TNS1: variants seen among roughly 807,000 people sequenced by gnomAD.
TNS1 encodes tensin 1, also known as tensin-1.
Under a neutral mutation model 168.6 loss-of-function variants are expected in TNS1, and 62 were observed. The ratio of observed to expected loss-of-function variants is 0.37; its 90% confidence interval spans 0.30 to 0.45. The LOEUF (loss-of-function observed/expected upper bound fraction) is 0.45, where lower values mean the gene tolerates loss of function less well. TNS1 is among the 20% of genes least tolerant of loss of function. The pLI is 1.00. For synonymous variants in TNS1, 934 were observed against 933.2 expected (o/e 1.00, Z -0.02); for missense variants, 2,240 against 2,339.4 (o/e 0.96, Z 0.88).
In TNS1 at chr2:217,893,353, T is replaced by C. The variant is rs1358294435; in HGVS notation, c.717+86A>G. ...AGATATAGGCAGGTACACACAATCATCCAAGGACACATTCAGGCACACACA... is the reference window on the plus strand; with the variant it reads ...AGATATAGGCAGGTACACACAATCACCCAAGGACACATTCAGGCACACACA... On this transcript the variant is annotated intron_variant, in intron 10 of 32. Coordinates refer to ENST00000682258, the MANE Select transcript of TNS1 (RefSeq NM_001387777.1). The C allele has an allele frequency of 4.7e-6, 7 of 1,484,734 alleles. No homozygotes were observed. In the African/African-American group the frequency reaches 8.4e-5, roughly 18 times the overall value. 92.0% of individuals were successfully genotyped at this position (1,484,734 alleles called of 1,614,324 possible). A position where few individuals can be genotyped will look rare whatever the true frequency, so the allele number is the denominator to read the frequency against.
chr2:217,905,514 C>T (rs1411634031), intron 6 of TNS1: 3 of 286,162 alleles, frequency 1.0e-5, no homozygotes, highest in Non-Finnish European at 7.1e-6. Context: ...CCCTCCCCAC[C>T]GTGGGTCAGG....
chr2:217,885,686 GA>G, intron 15 of TNS1, 57 bp downstream of exon 15: 1 of 1,563,974 alleles, frequency 6.4e-7, no homozygotes, highest in South Asian at 1.1e-5. Flanking sequence ...AAAGGAGTAA[GA>G]AAAGAAGGGA....
At chr2:217,820,215 A>G (rs1479723437) in intron 23 of TNS1, among the ~76,000 whole-genome samples, 7 of 152,190 alleles carry the variant, frequency 4.6e-5, no homozygotes, top group Admixed American at 2.0e-4. Context: ...CTTCCTGGAA[A>G]GGGCCAACAC....
intron 4 of TNS1, among the ~76,000 whole-genome samples, chr2:217,908,027 A>T (rs1953916285): frequency 6.6e-6 from 1 of 152,172 alleles, no homozygotes; most frequent in African/African-American, 2.4e-5. Flanking sequence ...GTGTATGAAT[A>T]ATCTCATCAT....
At chr2:218,004,881 A>G (rs1958644732), upstream of TNS1, among the ~76,000 whole-genome samples, 1 of 152,246 alleles carries the variant, frequency 6.6e-6, no homozygotes, top group African/African-American at 2.4e-5. Context: ...CAACGCTGAA[A>G]TGAACCAGTG....
intron 22 of TNS1, among the ~76,000 whole-genome samples, chr2:217,822,445 C>G (rs1245107370): frequency 6.6e-6 from 1 of 152,174 alleles, no homozygotes; most frequent in African/African-American, 2.4e-5. Context: ...CAGGCCTGCA[C>G]TGGTGAGTCT....
Position 217,886,077 on chromosome 2 carries a change from T to C in TNS1, c.1007A>G (p.Gln336Arg), listed in dbSNP as rs760194256. The C allele has an allele frequency of 2.5e-6, 4 of 1,613,832 alleles. No individual in the cohort carries two copies. Among genetic ancestry groups the C allele is most frequent in the South Asian group, 1.1e-5 (1 of 91,046 alleles). ...GGCRPFLRIY[Q>R]AMQPVYTSGI... The stretch of plus-strand genomic sequence containing the variant: ...AGATGTGTACACAGGTTGCATGGCC[T>C]GGTAGATGCGGAGAAATGGCCGACA... Residue 336 changes from glutamine to arginine, a missense_variant, in exon 14 of 33, where the codon CAG becomes CGG. Coordinates refer to ENST00000682258, the MANE Select transcript of TNS1 (RefSeq NM_001387777.1).
rs920397670 is a variant in TNS1, at chr2:217,818,771, T to C, written c.3573-12A>G. The C allele has an allele frequency of 6.3e-7, 1 of 1,596,444 alleles. No homozygotes were observed. The highest frequency in any genetic ancestry group is 1.3e-5 in the African/African-American group (1 of 74,736). Reference sequence around the variant, plus strand: ...TCCCCACTGAAGTGCTGCAGAGAGATGGCAGGTTGCGATGTCAGTGGACAG... The same window carrying C: ...TCCCCACTGAAGTGCTGCAGAGAGACGGCAGGTTGCGATGTCAGTGGACAG... On this transcript the variant is annotated splice_polypyrimidine_tract_variant and intron_variant, in intron 23 of 32. Transcript: ENST00000682258.
In TNS1 at chr2:217,922,480, C is replaced by A. The variant is rs141712491; in HGVS notation, c.187-2244G>T. 1.2e-3 allele frequency among the ~76,000 whole-genome samples: 185 copies of A among 152,160 alleles called. 1 individual carries two copies. Among genetic ancestry groups the A allele is most frequent in the African/African-American group, 4.1e-3 (170 of 41,510 alleles). On this transcript the variant is annotated intron_variant, in intron 3 of 32. Transcript: ENST00000682258. ...CGAGCCAGGCCAAGCTGCCAGAGGA[C>A]GGGCTGATGCCTGCCACTGCCAGGG...
chr2:217,925,626 C>T (rs35593161), intron 3 of TNS1, among the ~76,000 whole-genome samples: 7,858 of 152,292 alleles, frequency 0.052, 452 homozygotes, highest in East Asian at 0.2. Context: ...TGCTAGTCCC[C>T]TTTTCTTTAC....
intron 3 of TNS1, among the ~76,000 whole-genome samples, chr2:217,968,448 C>A (rs1957700498): frequency 6.6e-6 from 1 of 152,018 alleles, no homozygotes; most frequent in African/African-American, 2.4e-5. Flanking sequence ...TAAGATAAAT[C>A]ATCACTACAC....
chr2:217,809,812 G>C lies in TNS1; in HGVS notation c.5273+11C>G, dbSNP rs1256216092. On this transcript the variant is annotated intron_variant, in intron 30 of 32. Transcript: ENST00000682258. ...GAGAACCCCACCGAGGAGCAGGCAG[G>C]GGAGTCTTACTTTCTCTGGTTGTCA... 6.2e-7 allele frequency: 1 copy of C among 1,610,140 alleles called. No homozygotes were observed. Among genetic ancestry groups the C allele is most frequent in the African/African-American group, 1.3e-5 (1 of 74,878 alleles).
chr2:217,970,590 T>C (rs1302964301), intron 3 of TNS1, among the ~76,000 whole-genome samples: 2 of 152,198 alleles, frequency 1.3e-5, no homozygotes, highest in African/African-American at 2.4e-5. Context: ...ACAGCATAGA[T>C]GTACCTTGAA....
At chr2:218,018,910 C>T (rs1958783866) in intron 1 of TNS1, among the ~76,000 whole-genome samples, 1 of 152,026 alleles carries the variant, frequency 6.6e-6, no homozygotes, top group Admixed American at 6.6e-5. Flanking sequence ...AACTCCATCT[C>T]TACTAAAAAT....
chr2:217,981,858 G>A (rs1265765965), intron 2 of TNS1, among the ~76,000 whole-genome samples: 1 of 152,166 alleles, frequency 6.6e-6, no homozygotes, highest in Non-Finnish European at 1.5e-5. Flanking sequence ...CTCACTTTCA[G>A]ATCGATGAAA....
chr2:217,941,536 AG>A (rs1956911635), intron 3 of TNS1, among the ~76,000 whole-genome samples: 1 of 152,098 alleles, frequency 6.6e-6, no homozygotes, highest in Non-Finnish European at 1.5e-5. Flanking sequence ...GGCAGGAAGG[AG>A]GGGGCCCCTG....
At position 217,847,936 on chromosome 2, in the gene TNS1, C is replaced by T. The variant is rs141087902; in HGVS notation, c.2581G>A (p.Gly861Arg). 13 of 1,517,484 alleles carry T rather than the reference C, an allele frequency of 8.6e-6. No homozygotes were observed. Among genetic ancestry groups the T allele is most frequent in the South Asian group, 8.0e-5 (6 of 74,938 alleles). 94.0% of individuals were successfully genotyped at this position (1,517,484 alleles called of 1,614,324 possible). ...APLHKSQSVP[G>R]AWPGASPLSS... ...AGTGGAGAAGCCCCTGGCCAGGCCCCGGGGACACTCTGGGACTTGTGTAGT... is the reference window on the plus strand; with the variant it reads ...AGTGGAGAAGCCCCTGGCCAGGCCCTGGGGACACTCTGGGACTTGTGTAGT... Residue 861 changes from glycine (G) to arginine (R), a missense_variant, in exon 19 of 33, where the codon GGG becomes AGG. This residue lies in a region of TNS1 where 2,131 missense variants were observed against 2,171.2 expected (regional missense o/e 0.98). Transcript: ENST00000682258.
At chr2:217,806,380 C>A (rs1939094800) in intron 32 of TNS1, among the ~76,000 whole-genome samples, 1 of 152,218 alleles carries the variant, frequency 6.6e-6, no homozygotes, top group Non-Finnish European at 1.5e-5. Flanking sequence ...TGTCATGATT[C>A]CCTGTTAGCC....
intron 14 of TNS1, 91 bp from the exon 15 acceptor site, chr2:217,885,910 G>A (rs1559300384): frequency 5.1e-6 from 8 of 1,555,540 alleles, no homozygotes; most frequent in Non-Finnish European, 6.2e-6. Flanking sequence ...ACGCCACAGG[G>A]TTAGTGGGAA....
Sources: allele counts gnomAD v4.1 joint callset (sites outside exome capture counted in the v4.1 genomes callset), GRCh38; gene constraint gnomAD v4.1.1; regional missense constraint gnomAD v4.1.1; transcripts MANE v1.5; gene names NCBI Gene and HGNC (gene_info 2026-07-23, HGNC 2026-07-21).